Variants in ERICH6 observed in about 807,000 individuals in gnomAD.
ERICH6 encodes the protein glutamate-rich protein 6.
In ERICH6, 71 loss-of-function variants were observed where a neutral mutation model predicts 71.0. The ratio of observed to expected loss-of-function variants is 1.00; its 90% CI spans 0.83 to 1.22. The LOEUF (loss-of-function observed/expected upper bound fraction) is 1.22. Ranked by LOEUF, ERICH6 falls within the 50% of genes most tolerant of loss-of-function variation. The pLI, the probability that ERICH6 is intolerant of heterozygous loss-of-function variation, is 0.00. For missense variants in ERICH6, 808 were observed against 797.2 expected (o/e 1.01, Z -0.16); for synonymous variants, 262 against 278.4 (o/e 0.94, Z 0.59).
At chr3:150,691,931 C>T (rs1272207798) in intron 3 of ERICH6, among the ~76,000 whole-genome samples, 2 of 151,926 alleles carry the variant, frequency 1.3e-5, no homozygotes, top group African/African-American at 4.8e-5. Context: ...GACACAGGGC[C>T]AGAAATTAAA....
At chr3:150,694,897 A>G (rs892335873) in intron 3 of ERICH6, among the ~76,000 whole-genome samples, 2 of 152,304 alleles carry the variant, frequency 1.3e-5, no homozygotes, top group African/African-American at 4.8e-5. Flanking sequence ...TGAGAAGTCC[A>G]AGATCAAGGT....
chr3:150,678,367 T>G, intron 10 of ERICH6, 42 bp downstream of exon 10: 1 of 1,517,646 alleles, frequency 6.6e-7, no homozygotes, highest in Non-Finnish European at 8.8e-7. Context: ...GTAAAACTGG[T>G]TTTTTTTAAA....
intron 6 of ERICH6, among the ~76,000 whole-genome samples, chr3:150,682,661 C>T (rs1235285498): frequency 1.3e-5 from 2 of 152,052 alleles, no homozygotes; most frequent in African/African-American, 4.8e-5. Context: ...GTAGTGTGTA[C>T]CTAGATGCAA....
At chr3:150,665,086 T>G (rs1180665359) in intron 13 of ERICH6, among the ~76,000 whole-genome samples, 2 of 152,044 alleles carry the variant, frequency 1.3e-5, no homozygotes, top group Admixed American at 6.6e-5. Flanking sequence ...ATGGATGTAA[T>G]GTAACAAAAG....
At chr3:150,661,838 G>A (rs931066302) in intron 13 of ERICH6, among the ~76,000 whole-genome samples, 4 of 152,036 alleles carry the variant, frequency 2.6e-5, no homozygotes, top group South Asian at 2.1e-4. Flanking sequence ...CTATGGTCAC[G>A]CCACTACACT....
intron 13 of ERICH6, among the ~76,000 whole-genome samples, chr3:150,665,428 A>T (rs1375546161): frequency 6.9e-6 from 1 of 145,518 alleles, no homozygotes; most frequent in Non-Finnish European, 1.5e-5. Context: ...GAGACAGGAG[A>T]ATCGCTTGAA....
intron 1 of ERICH6, among the ~76,000 whole-genome samples, chr3:150,703,105 G>A (rs1367826097): frequency 2.6e-5 from 4 of 152,006 alleles, no homozygotes; most frequent in African/African-American, 9.7e-5. Flanking sequence ...TTAGCTGGGT[G>A]TGGTGGCGTG....
In ERICH6 at chr3:150,694,957, G is replaced by T. The variant is rs1576561912; in HGVS notation, c.553+3834C>A. Among the ~76,000 whole-genome samples the T allele has an allele frequency of 2.6e-5, 4 of 152,288 alleles. No individual in the cohort carries two copies. The East Asian group carries it at 5.8e-4, about 22-fold the overall frequency. On this transcript the variant is annotated intron_variant, in intron 3 of 13. Coordinates refer to ENST00000295910, the MANE Select transcript of ERICH6 (RefSeq NM_152394.5). The stretch of plus-strand genomic sequence containing the variant: ...GTGCCCATTTCCTGGTTCATAGATG[G>T]TGCCTTCTAGCTGTGTCCTCACATG...
chr3:150,683,032 A>G (rs1712031882), intron 6 of ERICH6, among the ~76,000 whole-genome samples: 1 of 152,194 alleles, frequency 6.6e-6, no homozygotes, highest in Non-Finnish European at 1.5e-5. Context: ...AAGCCTCAGG[A>G]CAGGCCTCCA....
At chr3:150,690,447 A>G (rs1315616214) in intron 3 of ERICH6, among the ~76,000 whole-genome samples, 3 of 152,164 alleles carry the variant, frequency 2.0e-5, no homozygotes, top group Non-Finnish European at 4.4e-5. Flanking sequence ...ATGTACTTCT[A>G]TTGGCATGCC....
At position 150,660,212 on chromosome 3, in the gene ERICH6, G is replaced by A; in HGVS notation, c.1729-57C>T. On this transcript the variant is annotated intron_variant, in intron 13 of 13. Transcript: ENST00000295910. ...AGAGTCCAGAAGTGGAACTGGGGAG[G>A]TGGGAGGAGCTGAGTCATGGCACTT... 16 of 1,576,128 alleles carry A rather than the reference G, an allele frequency of 1.0e-5. No homozygotes were observed. In the South Asian group the frequency reaches 1.9e-4, roughly 19 times the overall value.
At chr3:150,679,749 C>T (rs769472804) in intron 9 of ERICH6, among the ~76,000 whole-genome samples, 1 of 152,126 alleles carries the variant, frequency 6.6e-6, no homozygotes, top group Non-Finnish European at 1.5e-5. Context: ...CCTCTGTCTC[C>T]CAGGTTCAGG....
chr3:150,679,922 T>A (rs937380557), intron 9 of ERICH6, among the ~76,000 whole-genome samples: 2 of 152,224 alleles, frequency 1.3e-5, no homozygotes, highest in African/African-American at 4.8e-5. Context: ...CCTCCCAAAG[T>A]GCTGGGATCA....
chr3:150,701,684 G>C (rs1712873796), intron 2 of ERICH6, among the ~76,000 whole-genome samples: 1 of 152,070 alleles, frequency 6.6e-6, no homozygotes, highest in South Asian at 2.1e-4. Context: ...CATTTCACTG[G>C]TATCTTCTTA....
At chr3:150,672,617 T>C (rs1047324239) in intron 11 of ERICH6, among the ~76,000 whole-genome samples, 1 of 151,000 alleles carries the variant, frequency 6.6e-6, no homozygotes, top group Admixed American at 6.6e-5. Flanking sequence ...ACAAAAACCA[T>C]ATATTTTTCT....
At chr3:150,699,259 C>T (rs1712769048) in intron 2 of ERICH6, among the ~76,000 whole-genome samples, 1 of 152,156 alleles carries the variant, frequency 6.6e-6, no homozygotes, top group Non-Finnish European at 1.5e-5. Flanking sequence ...TGCAGTGAGC[C>T]GTGATTGTGC....
intron 3 of ERICH6, among the ~76,000 whole-genome samples, chr3:150,690,928 C>G (rs941523360): frequency 3.9e-5 from 6 of 152,170 alleles, no homozygotes; most frequent in African/African-American, 1.2e-4. Context: ...AATCTTGTGG[C>G]TTTAGGCAGT....
In ERICH6 at chr3:150,682,347, G is replaced by C. The variant is rs1469015865; in HGVS notation, c.784-31C>G. The C allele has an allele frequency of 1.9e-6, 3 of 1,548,068 alleles. No individual in the cohort carries two copies. In the Admixed American group the frequency reaches 5.2e-5, roughly 27 times the overall value. On this transcript the variant is annotated intron_variant, in intron 6 of 13. Coordinates refer to ENST00000295910, the MANE Select transcript of ERICH6 (RefSeq NM_152394.5). ...GAGAGAGAGGAAAAAAATTAAAGAA[G>C]TCCCCACAAAGAGGCCCAGAGGCTC...
At chr3:150,665,569 G>A (rs1406357600) in intron 13 of ERICH6, among the ~76,000 whole-genome samples, 1 of 149,482 alleles carries the variant, frequency 6.7e-6, no homozygotes, top group Non-Finnish European at 1.5e-5. Flanking sequence ...GCTCATGCCT[G>A]GAATCTCTGC....
Sources: allele counts gnomAD v4.1 joint callset (sites outside exome capture counted in the v4.1 genomes callset), GRCh38; gene constraint gnomAD v4.1.1; transcripts MANE v1.5; gene names NCBI Gene and HGNC (gene_info 2026-07-23, HGNC 2026-07-21).